EPN2: variants seen among roughly 807,000 people sequenced by gnomAD.
EPN2 encodes epsin 2.
A neutral mutation model predicts 61.7 loss-of-function variants in EPN2; 34 were observed. That is an observed-to-expected ratio of 0.55 (90% CI 0.42 to 0.73). The LOEUF (loss-of-function observed/expected upper bound fraction) is 0.73, where lower values mean the gene tolerates loss of function less well. Among genes scored for constraint, EPN2 ranks in the 30% least tolerant of loss-of-function variants. The pLI is 0.00. For missense variants in EPN2, 714 were observed against 839.2 expected (o/e 0.85, Z 1.84); for synonymous variants, 349 against 353.6 (o/e 0.99, Z 0.15).
At chr17:19,268,554 C>T (rs73308466) in intron 1 of EPN2, among the ~76,000 whole-genome samples, 2,500 of 152,166 alleles carry the variant, frequency 0.016, 50 homozygotes, top group South Asian at 0.066. Flanking sequence ...AATGACAAAA[C>T]GATGTTATAA....
intron 7 of EPN2, among the ~76,000 whole-genome samples, chr17:19,314,425 G>A (rs1275347103): frequency 6.6e-6 from 1 of 152,190 alleles, no homozygotes; most frequent in African/African-American, 2.4e-5. Context: ...AAGACTCAGC[G>A]TGTGAGAAGC....
At chr17:19,322,304 T>G (rs890732776) in intron 7 of EPN2, among the ~76,000 whole-genome samples, 1 of 152,088 alleles carries the variant, frequency 6.6e-6, no homozygotes, top group East Asian at 1.9e-4. Flanking sequence ...AGCTTGCAGA[T>G]TGACATCTGC....
At chr17:19,331,192 G>A (rs1907140615) in intron 9 of EPN2, among the ~76,000 whole-genome samples, 1 of 152,152 alleles carries the variant, frequency 6.6e-6, no homozygotes, top group African/African-American at 2.4e-5. Flanking sequence ...AATAATTTGG[G>A]GGAGGACATT....
chr17:19,248,889 C>T lies in EPN2; in HGVS notation c.-294+11358C>T, dbSNP rs538377963. Among the ~76,000 whole-genome samples the T allele has an allele frequency of 3.3e-5, 5 of 152,188 alleles. No homozygotes were observed. The East Asian group carries it at 5.8e-4, about 18-fold the overall frequency. On this transcript the variant is annotated intron_variant, in intron 1 of 10. Transcript: ENST00000314728. ...GGAACCTGGGAACCAGAGAAGGCTT[C>T]GAGGAAATAGTATGTGAGTCGAGTC...
Position 19,336,660 on chromosome 17 carries a change from T to G in EPN2, c.*2406T>G, listed in dbSNP as rs1907473257. On this transcript the variant is annotated 3_prime_UTR_variant, in exon 11 of 11. Coordinates refer to ENST00000314728, the MANE Select transcript of EPN2 (RefSeq NM_014964.5). ...AGGCCGGTGGCTGGTTTTGAACTTG[T>G]GTTGACTGTTGATACTTATTTACTG... 1 of 152,576 alleles carries G rather than the reference T, an allele frequency of 6.6e-6. No homozygotes were observed. The highest frequency in any genetic ancestry group is 2.4e-5 in the African/African-American group (1 of 41,434). 9.5% of individuals were successfully genotyped at this position (152,576 alleles called of 1,614,324 possible).
chr17:19,302,409 A>G (rs939989478), intron 4 of EPN2, among the ~76,000 whole-genome samples: 1 of 152,198 alleles, frequency 6.6e-6, no homozygotes. Flanking sequence ...GCTCCCCATC[A>G]CTTGCATTAC....
chr17:19,322,104 A>T lies in EPN2; in HGVS notation c.1148-6607A>T, dbSNP rs145668266. Among the ~76,000 whole-genome samples, 11 of 152,262 alleles carry T rather than the reference A, an allele frequency of 7.2e-5. No individual in the cohort carries two copies. The East Asian group carries it at 1.9e-3, about 27-fold the overall frequency. On this transcript the variant is annotated intron_variant, in intron 7 of 10. Transcript: ENST00000314728. ...GCAGCTTCAGTCCTGGGGGAGGACG[A>T]TCTGCATGAGACACTGGAAGACGAG... is the stretch of plus-strand genomic sequence containing the variant.
chr17:19,251,550 C>T (rs1438704727), intron 1 of EPN2, among the ~76,000 whole-genome samples: 1 of 152,150 alleles, frequency 6.6e-6, no homozygotes, highest in Non-Finnish European at 1.5e-5. Flanking sequence ...CCTCTTGCCT[C>T]AGCCTCCTGA....
chr17:19,313,675 T>C (rs1436547199), intron 7 of EPN2: 4 of 197,606 alleles, frequency 2.0e-5, no homozygotes, highest in East Asian at 1.2e-4. Context: ...ATGGAAATTA[T>C]GATGTGCTTA....
At chr17:19,329,840 A>T (rs536775670) in intron 9 of EPN2, among the ~76,000 whole-genome samples, 193 bp downstream of exon 9, 1 of 152,344 alleles carries the variant, frequency 6.6e-6, no homozygotes, top group East Asian at 1.9e-4. Flanking sequence ...AGAGTCCCCC[A>T]GGACTATGTC....
chr17:19,248,756 A>C (rs1179188401), intron 1 of EPN2, among the ~76,000 whole-genome samples: 1 of 152,316 alleles, frequency 6.6e-6, no homozygotes, highest in Non-Finnish European at 1.5e-5. Context: ...ACATTTCAAA[A>C]TAGTTTTTGG....
intron 1 of EPN2, among the ~76,000 whole-genome samples, chr17:19,261,247 C>T (rs1268917347): frequency 2.0e-5 from 3 of 152,208 alleles, no homozygotes; most frequent in Non-Finnish European, 2.9e-5. Flanking sequence ...CCCACTGACT[C>T]GTCAACACAA....
intron 4 of EPN2, among the ~76,000 whole-genome samples, chr17:19,288,093 T>C (rs2045423443): frequency 1.3e-5 from 2 of 152,252 alleles, no homozygotes; most frequent in African/African-American, 4.8e-5. Context: ...TGCAGGGCCA[T>C]CCCAGAGCCT....
rs1906224243 is a variant in EPN2, at chr17:19,313,105, C to T, written c.973C>T (p.His325Tyr). The T allele has an allele frequency of 6.2e-7, 1 of 1,613,158 alleles. No individual in the cohort carries two copies. Among genetic ancestry groups the T allele is most frequent in the Non-Finnish European group, 8.5e-7 (1 of 1,179,536 alleles). Reference sequence around the variant, plus strand: ...TGTCCCCTTCTCTTTGTCTTAAAAGCATGGCTCTCTCCCACAGCAGACTAC... The same window carrying T: ...TGTCCCCTTCTCTTTGTCTTAAAAGTATGGCTCTCTCCCACAGCAGACTAC... ...DTVKIPKKKE[H>Y]GSLPQQTTLL... The change falls in exon 7 of 11, where the codon CAT becomes TAT. Residue 325 changes from histidine (H) to tyrosine (Y), a missense_variant and splice_region_variant. Transcript: ENST00000314728.
intron 1 of EPN2, among the ~76,000 whole-genome samples, chr17:19,267,040 C>T (rs930156274): frequency 4.1e-5 from 6 of 147,544 alleles, no homozygotes; most frequent in East Asian, 2.2e-4. Flanking sequence ...GGGGTTTCCC[C>T]GTGTTAGCCA....
chr17:19,316,054 G>C (rs973018821), intron 7 of EPN2, among the ~76,000 whole-genome samples: 5 of 152,172 alleles, frequency 3.3e-5, no homozygotes, highest in Non-Finnish European at 7.3e-5. Flanking sequence ...ATGTTATAGC[G>C]TGTGTCAGTC....
intron 1 of EPN2, among the ~76,000 whole-genome samples, chr17:19,255,169 C>T (rs1296248507): frequency 6.6e-6 from 1 of 152,138 alleles, no homozygotes; most frequent in Non-Finnish European, 1.5e-5. Context: ...CGTTGGGGTG[C>T]ATACTCCGCC....
intron 10 of EPN2, 81 bp from the exon 11 acceptor site, chr17:19,333,875 C>A: frequency 8.0e-7 from 1 of 1,255,786 alleles, no homozygotes; most frequent in South Asian, 1.7e-5. Context: ...GACCAGAACA[C>A]CCGCATGCAG....
At chr17:19,268,488 A>T (rs1171563985) in intron 1 of EPN2, among the ~76,000 whole-genome samples, 1 of 152,136 alleles carries the variant, frequency 6.6e-6, no homozygotes, top group Admixed American at 6.6e-5. Flanking sequence ...TCGCACTCCC[A>T]GAAGTGTTGG....
Sources: gnomAD v4.1 joint callset for allele counts (sites outside exome capture counted in the v4.1 genomes callset) on GRCh38, gnomAD v4.1.1 for gene constraint, MANE v1.5 for transcripts, NCBI Gene and HGNC (gene_info 2026-07-23, HGNC 2026-07-21) for gene names.